Variants in C6 observed in about 807,000 individuals in gnomAD.
C6 encodes the protein complement C6, also known as complement component C6.
Under a neutral mutation model 112.9 loss-of-function variants are expected in C6, and 101 were observed. The observed-to-expected ratio is 0.89, with a 90% CI of 0.76 to 1.06. C6 has a LOEUF of 1.06. Ranked by LOEUF, C6 falls within the 50% of genes least tolerant of loss-of-function variation. C6 has a pLI of 0.00. For synonymous variants in C6, 431 were observed against 384.1 expected (o/e 1.12, Z -1.43); for missense variants, 1,202 against 1,104.6 (o/e 1.09, Z -1.25).
chr5:41,178,470 T>C (rs1035633864), intron 7 of C6, among the ~76,000 whole-genome samples: 21 of 64,468 alleles, frequency 3.3e-4, no homozygotes, highest in Admixed American at 6.1e-4. Flanking sequence ...CTTTTTCTTT[T>C]TTTTTTTTTT....
In C6 at chr5:41,158,579, T is replaced by C. The variant is rs574351009; in HGVS notation, c.1968+95A>G. 6.4e-4 allele frequency: 475 copies of C among 746,118 alleles called. 6 individuals carry two copies. Among genetic ancestry groups the C allele is most frequent in the South Asian group, 3.7e-3 (257 of 68,994 alleles). 46.2% of individuals were successfully genotyped at this position (746,118 alleles called of 1,614,324 possible). On this transcript the variant is annotated intron_variant, in intron 13 of 17. Coordinates refer to ENST00000337836, the MANE Select transcript of C6 (RefSeq NM_000065.5). The stretch of plus-strand genomic sequence containing the variant: ...TACTTTTAAAGTCAATAGGAGATTA[T>C]TCGAATAGGAAAACAGTAACTCTAA...
At chr5:41,158,644 C>T (rs769174282) in intron 13 of C6, 30 bp downstream of exon 13, 1 of 1,301,908 alleles carries the variant, frequency 7.7e-7, no homozygotes, top group Non-Finnish European at 1.1e-6. Flanking sequence ...TTTAAAACTA[C>T]AAACCAAAAG....
rs184891780 is a variant in C6, at chr5:41,163,403, C to G, written c.1292-1544G>C. Reference sequence around the variant, plus strand: ...TCTTAGCTCACTGCAGCCTCTGCCTCCTGGGTTCAAGTGATTCTCCTGCCT... The same window carrying G: ...TCTTAGCTCACTGCAGCCTCTGCCTGCTGGGTTCAAGTGATTCTCCTGCCT... On this transcript the variant is annotated intron_variant, in intron 9 of 17. Transcript: ENST00000337836. Among the ~76,000 whole-genome samples, 89 of 151,438 alleles carry G rather than the reference C, an allele frequency of 5.9e-4. 1 individual carries two copies. Among genetic ancestry groups the G allele is most frequent in the Admixed American group, 9.9e-4 (15 of 15,086 alleles).
At chr5:41,193,139 T>A (rs1223735872) in intron 5 of C6, among the ~76,000 whole-genome samples, 1 of 152,184 alleles carries the variant, frequency 6.6e-6, no homozygotes, top group African/African-American at 2.4e-5. Context: ...CAGCGAGGAC[T>A]AAAAAACCAT....
chr5:41,214,090 T>G (rs1170355580), upstream of C6, among the ~76,000 whole-genome samples: 5 of 152,106 alleles, frequency 3.3e-5, no homozygotes, highest in African/African-American at 1.2e-4. Context: ...TAAAATGGAT[T>G]TCATCCTAAG....
intron 8 of C6, among the ~76,000 whole-genome samples, chr5:41,175,290 G>T (rs561112019): frequency 8.5e-5 from 13 of 152,250 alleles, no homozygotes; most frequent in Admixed American, 5.2e-4. Context: ...ACATCTTACT[G>T]AATATATATA....
rs1329836511 is a variant in C6, at chr5:41,203,124, G to C, written c.107C>G (p.Ser36Ter). 1.2e-6 allele frequency: 2 copies of C among 1,613,942 alleles called. No homozygotes were observed. The highest frequency in any genetic ancestry group is 1.7e-6 in the Non-Finnish European group (2 of 1,179,984). The change falls in exon 2 of 18, where the codon TCA becomes TGA. Residue 36 changes from serine to a stop codon, truncating the protein, a stop_gained. Transcript: ENST00000337836. LOFTEE classifies it high-confidence loss of function. ...CTGGGTTCCAGAATTGCAAGTTTTT[G>C]AGCAGCTGGTCCACTGAGTCCATGC... Reference protein sequence around the residue: ...HYAWTQWTSCSKTCNSGTQSR... With the variant: ...HYAWTQWTSC
chr5:41,164,438 A>C (rs895820418), intron 9 of C6, among the ~76,000 whole-genome samples: 39 of 152,282 alleles, frequency 2.6e-4, no homozygotes, highest in African/African-American at 7.2e-4. Context: ...TGGAGACAGC[A>C]CATATAGGCA....
chr5:41,171,068 A>C (rs1051500388), intron 9 of C6, among the ~76,000 whole-genome samples: 4 of 152,190 alleles, frequency 2.6e-5, no homozygotes, highest in Non-Finnish European at 4.4e-5. Flanking sequence ...GACTACAAGC[A>C]GGAAGACCAC....
At chr5:41,226,971 T>G (rs1215528714) in intron 1 of C6, among the ~76,000 whole-genome samples, 1 of 152,156 alleles carries the variant, frequency 6.6e-6, no homozygotes, top group Non-Finnish European at 1.5e-5. Flanking sequence ...GGATGTATAC[T>G]CAATAAAGAG....
At position 41,172,184 on chromosome 5, in the gene C6, C is replaced by T. The variant is rs372051650; in HGVS notation, c.1291+41G>A. On this transcript the variant is annotated intron_variant, in intron 9 of 17. Transcript: ENST00000337836. ...ATGGTCTGTAAATGACAGCCAGGCT[C>T]AGGGCACACTGGATAAGCTGCTAAG... 3.7e-6 allele frequency: 6 copies of T among 1,609,438 alleles called. No individual in the cohort carries two copies. The African/African-American group carries it at 8.0e-5, about 22-fold the overall frequency.
chr5:41,194,979 A>G (rs892924023), intron 5 of C6, among the ~76,000 whole-genome samples: 1 of 152,184 alleles, frequency 6.6e-6, no homozygotes, highest in African/African-American at 2.4e-5. Context: ...TCATGGAAAA[A>G]GCCTGGGTTT....
chr5:41,187,195 T>G (rs1372829726), intron 5 of C6, among the ~76,000 whole-genome samples: 1 of 152,182 alleles, frequency 6.6e-6, no homozygotes, highest in Non-Finnish European at 1.5e-5. Context: ...ATAGCACCAA[T>G]GCCCTTCCCT....
chr5:41,259,765 A>T (rs905831912), intron 1 of C6, among the ~76,000 whole-genome samples: 1 of 152,304 alleles, frequency 6.6e-6, no homozygotes, highest in Non-Finnish European at 1.5e-5. Context: ...AAAATTATCC[A>T]TTATTTTTTC....
chr5:41,175,958 C>G (rs1286061417), intron 8 of C6, among the ~76,000 whole-genome samples: 1 of 152,192 alleles, frequency 6.6e-6, no homozygotes, highest in Non-Finnish European at 1.5e-5. Flanking sequence ...CCCACTCTAG[C>G]TTAGTCGCTT....
chr5:41,154,334 A>G (rs2067542), intron 14 of C6, among the ~76,000 whole-genome samples: 23,842 of 152,224 alleles, frequency 0.16, 1,927 homozygotes, highest in East Asian at 0.33. Context: ...AATGCAAGTT[A>G]CCACGCTATG....
chr5:41,170,510 G>C (rs568263750), intron 9 of C6, among the ~76,000 whole-genome samples: 2 of 151,790 alleles, frequency 1.3e-5, no homozygotes, highest in African/African-American at 2.4e-5. Context: ...TATAGAATCT[G>C]TATTCATATT....
In C6 at chr5:41,202,237, C is replaced by T. The variant is rs114185447; in HGVS notation, c.144-523G>A. Among the ~76,000 whole-genome samples the T allele has an allele frequency of 9.1e-3, 1,383 of 152,208 alleles. 9 individuals are homozygous for T. Among genetic ancestry groups the T allele is most frequent in the Middle Eastern group, 0.017 (5 of 294 alleles). ...CAGAGGGAAGGGAATTTGGAGGAAGCGACATGTGCAAAGATTTGAGGCAGA... is the reference window on the plus strand; with the variant it reads ...CAGAGGGAAGGGAATTTGGAGGAAGTGACATGTGCAAAGATTTGAGGCAGA... On this transcript the variant is annotated intron_variant, in intron 2 of 17. Coordinates refer to ENST00000337836, the MANE Select transcript of C6 (RefSeq NM_000065.5).
Position 41,200,322 on chromosome 5 carries a change from A to G in C6, c.301-410T>C, listed in dbSNP as rs557503262. On this transcript the variant is annotated intron_variant, in intron 3 of 17. Coordinates refer to ENST00000337836, the MANE Select transcript of C6 (RefSeq NM_000065.5). ...AAATAATTTTGAGGTTCTTTTGCAT[A>G]AGAGAGTCCCTGTGAAAACCAATGC... Among the ~76,000 whole-genome samples, 63 of 152,318 alleles carry G rather than the reference A, an allele frequency of 4.1e-4. 2 individuals carry two copies. The highest frequency in any genetic ancestry group is 3.7e-3 in the Admixed American group (57 of 15,298).
Sources: allele counts gnomAD v4.1 joint callset (sites outside exome capture counted in the v4.1 genomes callset), GRCh38; gene constraint gnomAD v4.1.1; transcripts MANE v1.5; gene names NCBI Gene and HGNC (gene_info 2026-07-23, HGNC 2026-07-21).